TBC1D2: variants seen among roughly 807,000 people sequenced by gnomAD.
TBC1D2 encodes TBC1 domain family member 2A.
A neutral mutation model predicts 91.1 loss-of-function variants in TBC1D2; 58 were observed. The ratio of observed to expected loss-of-function variants is 0.64; its 90% CI spans 0.52 to 0.79. The LOEUF is 0.79. Ranked by LOEUF, TBC1D2 falls within the 30% of genes least tolerant of loss-of-function variation. The probability of loss-of-function intolerance (pLI) is 0.00; values close to 1 mark genes in which losing one functional copy is unlikely to be tolerated. For missense variants in TBC1D2, 1,080 were observed against 1,208.3 expected (o/e 0.89, Z 1.57); for synonymous variants, 482 against 511.5 (o/e 0.94, Z 0.78).
At chr9:98,210,588 G>A in intron 8 of TBC1D2, 68 bp downstream of exon 8, 2 of 1,439,092 alleles carry the variant, frequency 1.4e-6, no homozygotes, top group Non-Finnish European at 1.8e-6. Flanking sequence ...GCAGGACCTG[G>A]CAGCAAGGCA....
intron 3 of TBC1D2, among the ~76,000 whole-genome samples, chr9:98,242,906 G>T (rs1388875887): frequency 2.1e-5 from 3 of 141,542 alleles, no homozygotes; most frequent in Non-Finnish European, 4.5e-5. Context: ...TTGACTTCCT[G>T]GGCTTGGGAT....
At chr9:98,227,773 C>A (rs1349641456) in intron 5 of TBC1D2, among the ~76,000 whole-genome samples, 1 of 132,706 alleles carries the variant, frequency 7.5e-6, no homozygotes, top group Non-Finnish European at 1.6e-5. Context: ...CAGAATGAGA[C>A]TCTGTCTCAA....
At chr9:98,230,460 G>A (rs1193976727) in intron 4 of TBC1D2, among the ~76,000 whole-genome samples, 1 of 152,192 alleles carries the variant, frequency 6.6e-6, no homozygotes, top group African/African-American at 2.4e-5. Flanking sequence ...TGGGACTAAA[G>A]TGTTAAAGGT....
intron 1 of TBC1D2, among the ~76,000 whole-genome samples, chr9:98,252,692 C>T (rs1188430200): frequency 6.6e-6 from 1 of 152,150 alleles, no homozygotes; most frequent in Admixed American, 6.5e-5. Flanking sequence ...TCCCATAACC[C>T]TGGTCTAGAA....
chr9:98,211,582 C>G (rs1828841354), intron 7 of TBC1D2, among the ~76,000 whole-genome samples: 1 of 152,166 alleles, frequency 6.6e-6, no homozygotes, highest in Non-Finnish European at 1.5e-5. Context: ...ATAGCACTGC[C>G]ATGATCTCTG....
At chr9:98,241,133 C>A (rs1829627074) in intron 3 of TBC1D2, among the ~76,000 whole-genome samples, 1 of 152,172 alleles carries the variant, frequency 6.6e-6, no homozygotes, top group Non-Finnish European at 1.5e-5. Context: ...TTAATCCTCC[C>A]AAGACCAATG....
intron 7 of TBC1D2, among the ~76,000 whole-genome samples, chr9:98,212,163 C>A (rs58533865): frequency 0.027 from 4,071 of 152,202 alleles, 187 homozygotes; most frequent in African/African-American, 0.092. Flanking sequence ...CTTCTCAAGC[C>A]CACCCTCCTG....
At chr9:98,200,515 G>A in intron 11 of TBC1D2, 141 bp from the exon 12 acceptor site, 1 of 682,650 alleles carries the variant, frequency 1.5e-6, no homozygotes, top group East Asian at 2.9e-5. Flanking sequence ...ACAATGTGTG[G>A]GGATAGGCTC....
Position 98,199,670 on chromosome 9 carries a change from G to A in TBC1D2, c.2580-82C>T, listed in dbSNP as rs41274274. ...CCGGCTCTCCCAGACAGACATCCCC[G>A]CATTCCTTCTGCCTTTGTGGCTGAG... On this transcript the variant is annotated intron_variant, in intron 12 of 12. Transcript: ENST00000465784. 0.012 allele frequency: 17,565 copies of A among 1,453,726 alleles called. 701 individuals carry two copies. In the African/African-American group the frequency reaches 0.13, roughly 11 times the overall value. The allele number at this position is 1,453,726 out of a possible 1,614,324, so 90.1% of individuals were successfully genotyped here.
rs1468827203 is a variant in TBC1D2 at position 98,254,724 on chromosome 9, C to T, written c.369+449G>A. ...CTTCTCAGCATTCACTGACCTTGGCCAAAATATCAAGAAACGGGAATCAGA... is the reference window on the plus strand; with the variant it reads ...CTTCTCAGCATTCACTGACCTTGGCTAAAATATCAAGAAACGGGAATCAGA... On this transcript the variant is annotated intron_variant, in intron 1 of 12. Transcript: ENST00000465784. Among the ~76,000 whole-genome samples, 3 of 152,176 alleles carry T rather than the reference C, an allele frequency of 2.0e-5. No homozygotes were observed. In the East Asian group the frequency reaches 5.8e-4, roughly 29 times the overall value.
At chr9:98,216,068 C>T (rs1828962677) in intron 6 of TBC1D2, among the ~76,000 whole-genome samples, 1 of 152,228 alleles carries the variant, frequency 6.6e-6, no homozygotes, top group Non-Finnish European at 1.5e-5. Context: ...TGCGGGCACG[C>T]TGTCTGGGTG....
At chr9:98,254,794 C>T (rs1056277313) in intron 1 of TBC1D2, among the ~76,000 whole-genome samples, 1 of 152,196 alleles carries the variant, frequency 6.6e-6, no homozygotes, top group Non-Finnish European at 1.5e-5. Flanking sequence ...TTTTGACTTA[C>T]TTAGGTCCCA....
rs1829308222 is a variant in TBC1D2, at chr9:98,229,159, G to C, written c.782-11C>G. On this transcript the variant is annotated splice_polypyrimidine_tract_variant and intron_variant, in intron 4 of 12. Coordinates refer to ENST00000465784, the MANE Select transcript of TBC1D2 (RefSeq NM_001267571.2). Reference sequence around the variant, plus strand: ...CCTCTGGCTCTCTCCCTGCTCAAGAGGAGAAACGCAGAAGTTATGACTGAT... The same window carrying C: ...CCTCTGGCTCTCTCCCTGCTCAAGACGAGAAACGCAGAAGTTATGACTGAT... 1.2e-6 allele frequency: 2 copies of C among 1,613,570 alleles called. No homozygotes were observed. Among genetic ancestry groups the C allele is most frequent in the South Asian group, 2.2e-5 (2 of 91,040 alleles).
chr9:98,255,523 T>C lies in TBC1D2; in HGVS notation c.19A>G (p.Asn7Asp), dbSNP rs1259671825. 8 of 1,532,584 alleles carry C rather than the reference T, an allele frequency of 5.2e-6. No individual in the cohort carries two copies. The African/African-American group carries it at 9.7e-5, about 18-fold the overall frequency. 94.9% of individuals were successfully genotyped at this position (1,532,584 alleles called of 1,614,324 possible). MEGAGE[N>D]APESSSSAPG... The stretch of plus-strand genomic sequence containing the variant: ...GCAGAGGAGCTGGACTCCGGGGCGT[T>C]CTCCCCAGCGCCCTCCATCGCTGCC... Residue 7 changes from asparagine to aspartate, a missense_variant, in exon 1 of 13, where the codon AAC (asparagine) becomes GAC (aspartate). Physicochemically the swap from Asn to Asp is conservative, Grantham distance 23 (BLOSUM62 1). Coordinates refer to ENST00000465784, the MANE Select transcript of TBC1D2 (RefSeq NM_001267571.2).
At chr9:98,206,296 A>G (rs1359136472) in intron 9 of TBC1D2, among the ~76,000 whole-genome samples, 1 of 152,232 alleles carries the variant, frequency 6.6e-6, no homozygotes, top group Non-Finnish European at 1.5e-5. Context: ...AAATATTTAC[A>G]TGAATACCAA....
intron 3 of TBC1D2, among the ~76,000 whole-genome samples, chr9:98,237,529 T>C (rs1367882974): frequency 6.6e-6 from 1 of 151,056 alleles, no homozygotes; most frequent in Non-Finnish European, 1.5e-5. Flanking sequence ...TTTTTTGAGA[T>C]AGAGTCTTGC....
In TBC1D2 at chr9:98,221,052, G is replaced by A. The variant is rs775835607; in HGVS notation, c.1155C>T (p.Ser385=). The A allele has an allele frequency of 3.5e-5, 56 of 1,612,226 alleles. No individual in the cohort carries two copies. In the African/African-American group the frequency reaches 6.9e-4, roughly 20 times the overall value. The part of the protein sequence containing the change: ...RVEALEQERE[S]LAHTASLREQ... ...CCCGCAGGCTCGCTGTGTGCGCCAG[G>A]CTCTCCCGCTCCTGCTCCAGGGCCT... The change falls in exon 6 of 13, where the codon AGC becomes AGT. Residue 385 remains serine (S), a synonymous_variant. Coordinates refer to ENST00000465784, the MANE Select transcript of TBC1D2 (RefSeq NM_001267571.2).
intron 4 of TBC1D2, 134 bp downstream of exon 4, chr9:98,233,282 T>C: frequency 8.0e-7 from 1 of 1,244,984 alleles, no homozygotes; most frequent in South Asian, 1.6e-5. Context: ...TCTATGGTGT[T>C]TCAGTAAGTA....
intron 9 of TBC1D2, among the ~76,000 whole-genome samples, chr9:98,204,714 A>C (rs1271292115): frequency 6.6e-6 from 1 of 152,226 alleles, no homozygotes; most frequent in Non-Finnish European, 1.5e-5. Flanking sequence ...ATATTTGTAC[A>C]AAACCTTCCT....
Sources: gnomAD v4.1 joint callset for allele counts (sites outside exome capture counted in the v4.1 genomes callset) on GRCh38, gnomAD v4.1.1 for gene constraint, MANE v1.5 for transcripts, NCBI Gene and HGNC (gene_info 2026-07-23, HGNC 2026-07-21) for gene names.